Variants in PLK5 observed in about 807,000 individuals in gnomAD.
PLK5 encodes polo like kinase 5 (inactive).
In PLK5, 28 loss-of-function variants were observed where a neutral mutation model predicts 33.7. That is an observed-to-expected ratio of 0.83 (90% CI 0.62 to 1.14). The LOEUF is 1.14. PLK5 is among the 50% of genes most tolerant of loss of function. The pLI is 0.00. For missense variants in PLK5, 492 were observed against 461.5 expected (o/e 1.07, Z -0.61); for synonymous variants, 225 against 202.2 (o/e 1.11, Z -0.96).
At chr19:1,529,145 C>A (rs903649943) in intron 9 of PLK5, 171 bp downstream of exon 9, 2 of 680,490 alleles carry the variant, frequency 2.9e-6, no homozygotes, top group Non-Finnish European at 4.8e-6. Flanking sequence ...CATTTGTGTC[C>A]AAATGTGCCC....
intron 13 of PLK5, among the ~76,000 whole-genome samples, chr19:1,534,535 G>A (rs1914032413): frequency 6.7e-6 from 1 of 148,400 alleles, no homozygotes; most frequent in Non-Finnish European, 1.5e-5. Flanking sequence ...GCCGGGCACG[G>A]TGGCTCACGC....
Position 1,531,856 on chromosome 19 carries a change from C to A in PLK5, c.687C>A (p.His229Gln). ...TGGACGGGGGGCGCACGGGACGGCA[C>A]CCACATGGCCCTGCGACCCCCCGGA... is the stretch of plus-strand genomic sequence containing the variant. ...QLLDGGRTGR[H>Q]PHGPATPRRE... The change falls in exon 12 of 14, where the codon CAC becomes CAA. Residue 229 changes from histidine to glutamine, a missense_variant. By Grantham distance (24) the His-to-Gln change is conservative (BLOSUM62 0). Transcript: ENST00000454744. 1 of 1,512,136 alleles carries A rather than the reference C, an allele frequency of 6.6e-7. No homozygotes were observed. Among genetic ancestry groups the A allele is most frequent in the Admixed American group, 2.1e-5 (1 of 48,644 alleles). The allele number at this position is 1,512,136 out of a possible 1,614,324, so 93.7% of individuals were successfully genotyped here.
rs939985010 is a variant in PLK5, at chr19:1,531,814, C to G, written c.645C>G (p.Gly215=). ...GGGTGGATTATTCCAGCAAATACGG[C>G]TTTGGCTACCAGCTCTTGGACGGGG... ...PKWVDYSSKY[G]FGYQLLDGGR... Residue 215 remains glycine, a synonymous_variant, in exon 12 of 14, where the codon GGC becomes GGG. Transcript: ENST00000454744. The G allele has an allele frequency of 7.2e-6, 11 of 1,534,872 alleles. No homozygotes were observed. The highest frequency in any genetic ancestry group is 2.0e-5 in the Admixed American group (1 of 50,842).
chr19:1,526,291 G>T (rs142325471), intron 3 of PLK5, among the ~76,000 whole-genome samples, 195 bp from the exon 4 acceptor site: 1 of 135,450 alleles, frequency 7.4e-6, no homozygotes, highest in African/African-American at 3.1e-5. Flanking sequence ...AGCTGTGCCC[G>T]TGGGGAAAGG....
intron 13 of PLK5, 36 bp downstream of exon 13, chr19:1,534,077 C>T (rs1358621922): frequency 9.4e-6 from 14 of 1,493,704 alleles, no homozygotes; most frequent in South Asian, 2.4e-5. Flanking sequence ...CACTGGGGCT[C>T]GGCAGGGTGG....
intron 8 of PLK5, 99 bp from the exon 9 acceptor site, chr19:1,528,799 C>G (rs1050925767): frequency 6.0e-6 from 6 of 1,000,844 alleles, no homozygotes; most frequent in African/African-American, 1.7e-5. Context: ...CTGCTCCGCT[C>G]TGTCTCCACA....
Position 1,526,585 on chromosome 19 carries a change from C to T in PLK5, c.-213C>T, listed in dbSNP as rs559339478. 6 of 312,072 alleles carry T rather than the reference C, an allele frequency of 1.9e-5. No homozygotes were observed. The highest frequency in any genetic ancestry group is 1.0e-4 in the East Asian group (1 of 9,870). 19.3% of individuals were successfully genotyped at this position (312,072 alleles called of 1,614,324 possible). On this transcript the variant is annotated 5_prime_UTR_variant, in exon 4 of 14. Coordinates refer to ENST00000454744, the MANE Select transcript of PLK5 (RefSeq NM_001243079.2). Reference sequence around the variant, plus strand: ...CAGCGGCCTGCGCTACCTGCACCAGCGGTGCATCCTGCACCGCGACCTGAA... The same window carrying T: ...CAGCGGCCTGCGCTACCTGCACCAGTGGTGCATCCTGCACCGCGACCTGAA...
chr19:1,534,960 C>A (rs1914050953), intron 13 of PLK5, 105 bp from the exon 14 acceptor site: 8 of 1,112,218 alleles, frequency 7.2e-6, no homozygotes, highest in Non-Finnish European at 9.8e-6. Flanking sequence ...AGGGGCCAGA[C>A]TGGGGGCTCT....
rs1913832130 is a variant in PLK5, at chr19:1,528,706, C to A, written c.329-192C>A. On this transcript the variant is annotated intron_variant, in intron 8 of 13. Coordinates refer to ENST00000454744, the MANE Select transcript of PLK5 (RefSeq NM_001243079.2). ...CACCTGCTCACACCTCCCACCTGCC[C>A]ACACCTGCCTACGCCTGCTACCTGC... Among the ~76,000 whole-genome samples the A allele has an allele frequency of 2.2e-5, 3 of 139,518 alleles. No homozygotes were observed. In the East Asian group the frequency reaches 6.8e-4, roughly 31 times the overall value. 91.5% of individuals were successfully genotyped at this position (139,518 alleles called of 152,430 possible). A position where few individuals can be genotyped will look rare whatever the true frequency, so the allele number is the denominator to read the frequency against.
rs923955254 is a variant in PLK5 at position 1,528,154 on chromosome 19, G to A, written c.201+20G>A. 8.5e-6 allele frequency: 13 copies of A among 1,523,258 alleles called. No individual in the cohort carries two copies. Among genetic ancestry groups the A allele is most frequent in the Non-Finnish European group, 1.1e-5 (12 of 1,137,656 alleles). The allele number at this position is 1,523,258 out of a possible 1,614,324, so 94.4% of individuals were successfully genotyped here. Reference sequence around the variant, plus strand: ...ACACAGGTGGGCGGCGGTCCTCGGCGTGGGGTCCCTGGCGTGGGGTCCCTG... The same window carrying A: ...ACACAGGTGGGCGGCGGTCCTCGGCATGGGGTCCCTGGCGTGGGGTCCCTG... On this transcript the variant is annotated intron_variant, in intron 7 of 13. Coordinates refer to ENST00000454744, the MANE Select transcript of PLK5 (RefSeq NM_001243079.2).
At chr19:1,528,206 G>C (rs1186678683) in intron 7 of PLK5, 72 bp downstream of exon 7, 1 of 1,527,680 alleles carries the variant, frequency 6.5e-7, no homozygotes, top group African/African-American at 1.4e-5. Context: ...AGCCTGCCCT[G>C]CTCAGCCGAG....
chr19:1,529,548 G>A, intron 10 of PLK5, 58 bp downstream of exon 10: 2 of 1,499,330 alleles, frequency 1.3e-6, no homozygotes, highest in Non-Finnish European at 1.8e-6. Context: ...AATTACAAGT[G>A]ACAGGGGGAC....
chr19:1,528,206 G>A, intron 7 of PLK5, 72 bp downstream of exon 7: 3 of 1,527,786 alleles, frequency 2.0e-6, no homozygotes, highest in Non-Finnish European at 1.8e-6. Flanking sequence ...AGCCTGCCCT[G>A]CTCAGCCGAG....
At chr19:1,527,817 A>T in intron 6 of PLK5, 119 bp from the exon 7 acceptor site, 1 of 1,013,194 alleles carries the variant, frequency 9.9e-7, no homozygotes, top group Non-Finnish European at 1.4e-6. Flanking sequence ...GGATGTTGGG[A>T]GATGAGGAAG....
At chr19:1,531,246 TAATA>T (rs1360836915) in intron 11 of PLK5, among the ~76,000 whole-genome samples, 1 of 151,426 alleles carries the variant, frequency 6.6e-6, no homozygotes, top group Non-Finnish European at 1.5e-5. Context: ...CCATCTCTAC[TAATA>T]ACACAAAAAT....
At position 1,535,489 on chromosome 19, in the gene PLK5, G is replaced by T. The variant is rs576093713; in HGVS notation, c.*239G>T. ...GGTCTGCCTCTCTTTGGGGGAAAGC[G>T]TTTGAGGAGCTTTGGCAAAGAAACG... On this transcript the variant is annotated 3_prime_UTR_variant, in exon 14 of 14. Transcript: ENST00000454744. The T allele has an allele frequency of 6.4e-5, 33 of 517,288 alleles. No individual in the cohort carries two copies. In the South Asian group the frequency reaches 8.5e-4, roughly 13 times the overall value. 32.0% of individuals were successfully genotyped at this position (517,288 alleles called of 1,614,324 possible).
intron 8 of PLK5, 63 bp from the exon 9 acceptor site, chr19:1,528,835 G>GC: frequency 8.1e-7 from 1 of 1,235,678 alleles, no homozygotes; most frequent in Non-Finnish European, 1.1e-6. Flanking sequence ...GGTGGCAGGT[G>GC]CCCCCCTACC....
At position 1,533,981 on chromosome 19, in the gene PLK5, C is replaced by G; in HGVS notation, c.765C>G (p.Leu255=). 1 of 1,535,282 alleles carries G rather than the reference C, an allele frequency of 6.5e-7. No individual in the cohort carries two copies. The highest frequency in any genetic ancestry group is 8.7e-7 in the Non-Finnish European group (1 of 1,146,796). ...CACCTGCTGGACCCGGCCTCTGCCT[C>G]CTGCGCTTCCTGGCCTCTGAGCACG... is the stretch of plus-strand genomic sequence containing the variant. ...PVPPAGPGLC[L]LRFLASEHAL... Residue 255 remains leucine, a synonymous_variant, in exon 13 of 14, where the codon CTC becomes CTG. Transcript: ENST00000454744.
intron 6 of PLK5, among the ~76,000 whole-genome samples, chr19:1,527,435 C>CTACAAAAAT (rs981942707): frequency 6.6e-6 from 1 of 151,982 alleles, no homozygotes; most frequent in African/African-American, 2.4e-5. Flanking sequence ...AACCCTGTCT[C>CTACAAAAAT]TACAAAAATT....
Sources: gnomAD v4.1 joint callset for allele counts (sites outside exome capture counted in the v4.1 genomes callset) on GRCh38, gnomAD v4.1.1 for gene constraint, MANE v1.5 for transcripts, NCBI Gene and HGNC (gene_info 2026-07-23, HGNC 2026-07-21) for gene names.